HTR1F: variants seen among roughly 807,000 people sequenced by gnomAD.
HTR1F encodes 5-hydroxytryptamine receptor 1F.
In HTR1F, 17 loss-of-function variants were observed where a neutral mutation model predicts 24.0. The observed-to-expected ratio is 0.71, with a 90% CI of 0.48 to 1.06. The LOEUF (loss-of-function observed/expected upper bound fraction) is 1.06. Ranked by LOEUF, HTR1F falls within the 50% of genes least tolerant of loss-of-function variation. HTR1F has a pLI of 0.00. For synonymous variants in HTR1F, 186 were observed against 156.8 expected, an observed-to-expected ratio of 1.19 and a Z score of -1.39; for missense variants, 391 against 427.8, an observed-to-expected ratio of 0.91 and a Z score of 0.76.
chr3:87,832,439 T>C (rs1183715251), intron 2 of HTR1F, among the ~76,000 whole-genome samples: 4 of 151,920 alleles, frequency 2.6e-5, no homozygotes, highest in Non-Finnish European at 5.9e-5. Context: ...GCAATTCTCT[T>C]GCCTCAGCCT....
chr3:87,872,221 A>G (rs72913703), intron 2 of HTR1F, among the ~76,000 whole-genome samples: 18,125 of 152,110 alleles, frequency 0.12, 1,363 homozygotes, highest in African/African-American at 0.21. Context: ...GAAATGGAGA[A>G]CTCAACATGC....
At chr3:87,869,481 T>TAGATAGATAGATAGATAGATA (rs1245965335) in intron 2 of HTR1F, among the ~76,000 whole-genome samples, 1 of 116,360 alleles carries the variant, frequency 8.6e-6, no homozygotes, top group Non-Finnish European at 1.7e-5. Context: ...GATAGATAGA[T>TAGATAGATAGATAGATAGATA]GATAGATAGA....
intron 2 of HTR1F, among the ~76,000 whole-genome samples, chr3:87,932,847 A>C (rs559502563): frequency 5.9e-4 from 89 of 151,940 alleles, no homozygotes; most frequent in East Asian, 1.4e-3. Flanking sequence ...TCCCTAACTC[A>C]TTTTATGAGG....
chr3:87,931,129 T>A (rs951731447), intron 2 of HTR1F, among the ~76,000 whole-genome samples: 2 of 151,576 alleles, frequency 1.3e-5, no homozygotes, highest in Admixed American at 6.6e-5. Flanking sequence ...ACATGTGCCA[T>A]GCTGGTGTGC....
At chr3:87,912,663 A>G (rs1200561556) in intron 2 of HTR1F, among the ~76,000 whole-genome samples, 4 of 150,184 alleles carry the variant, frequency 2.7e-5, no homozygotes, top group Non-Finnish European at 5.9e-5. Flanking sequence ...CAAAGCAGGA[A>G]GCATCATGCC....
chr3:87,928,177 C>T (rs1704173983), intron 2 of HTR1F, among the ~76,000 whole-genome samples: 1 of 151,754 alleles, frequency 6.6e-6, no homozygotes, highest in South Asian at 2.1e-4. Context: ...TCCGAAGTAG[C>T]TGGGACTACA....
chr3:87,867,172 C>T (rs191534117), intron 2 of HTR1F, among the ~76,000 whole-genome samples: 151 of 151,976 alleles, frequency 9.9e-4, no homozygotes, highest in African/African-American at 3.2e-3. Flanking sequence ...AAACTCATTC[C>T]TTCCTAGGGC....
intron 2 of HTR1F, among the ~76,000 whole-genome samples, chr3:87,917,921 A>G (rs573063299): frequency 5.9e-5 from 9 of 152,232 alleles, no homozygotes; most frequent in Admixed American, 2.0e-4. Context: ...TAACCAAAAA[A>G]GAAAATTACA....
chr3:87,918,993 C>T (rs536362881), intron 2 of HTR1F, among the ~76,000 whole-genome samples: 10 of 152,108 alleles, frequency 6.6e-5, no homozygotes, highest in African/African-American at 2.4e-4. Context: ...AGGCTGTAGT[C>T]ACCAAAACAG....
At position 87,992,172 on chromosome 3, in the gene HTR1F, A is replaced by G. The variant is rs1405378522; in HGVS notation, c.*322A>G. On this transcript the variant is annotated 3_prime_UTR_variant, in exon 3 of 3. Transcript: ENST00000319595. ...TGATTTTCCATGTTTACATCTTACA[A>G]TAATTATAGAGGAGTTTTCAATTAA... 1.1e-5 allele frequency: 2 copies of G among 175,016 alleles called. No individual in the cohort carries two copies. The highest frequency in any genetic ancestry group is 4.8e-5 in the African/African-American group (2 of 41,784). 10.8% of individuals were successfully genotyped at this position (175,016 alleles called of 1,614,324 possible). A position where few individuals can be genotyped will look rare whatever the true frequency, so the allele number is the denominator to read the frequency against.
chr3:87,910,724 A>G (rs780801528), intron 2 of HTR1F, among the ~76,000 whole-genome samples: 4 of 152,100 alleles, frequency 2.6e-5, no homozygotes, highest in Non-Finnish European at 5.9e-5. Flanking sequence ...AGTCAGACAT[A>G]AAACAATCCT....
At chr3:87,825,690 C>T (rs1208942238) in intron 2 of HTR1F, among the ~76,000 whole-genome samples, 1 of 152,194 alleles carries the variant, frequency 6.6e-6, no homozygotes, top group African/African-American at 2.4e-5. Context: ...CGCCTGTCTT[C>T]TAACGCTACC....
At chr3:87,988,609 T>A (rs9855839) in intron 2 of HTR1F, among the ~76,000 whole-genome samples, 1 of 151,982 alleles carries the variant, frequency 6.6e-6, no homozygotes, top group Admixed American at 6.5e-5. Flanking sequence ...TTTGAGATGG[T>A]GTATCGCTCT....
At chr3:87,900,881 C>G (rs1295000127) in intron 2 of HTR1F, among the ~76,000 whole-genome samples, 1 of 152,018 alleles carries the variant, frequency 6.6e-6, no homozygotes, top group African/African-American at 2.4e-5. Flanking sequence ...GACATCCATG[C>G]AGAAATTTTA....
intron 2 of HTR1F, among the ~76,000 whole-genome samples, chr3:87,926,609 T>A (rs1704132542): frequency 6.6e-6 from 1 of 152,152 alleles, no homozygotes; most frequent in Admixed American, 6.6e-5. Flanking sequence ...TAACATTGAT[T>A]ACTTCTCTTT....
chr3:87,842,770 A>T (rs1272073753), intron 2 of HTR1F, among the ~76,000 whole-genome samples: 1 of 151,980 alleles, frequency 6.6e-6, no homozygotes, highest in East Asian at 1.9e-4. Context: ...CTTGCTTTTT[A>T]TAAAACAACC....
chr3:87,982,193 G>A (rs1443343738), intron 2 of HTR1F, among the ~76,000 whole-genome samples: 1 of 152,132 alleles, frequency 6.6e-6, no homozygotes, highest in African/African-American at 2.4e-5. Context: ...AAAATACTGG[G>A]ATTACAGGCA....
At chr3:87,899,245 C>T (rs1706269361) in intron 2 of HTR1F, among the ~76,000 whole-genome samples, 1 of 152,148 alleles carries the variant, frequency 6.6e-6, no homozygotes, top group Non-Finnish European at 1.5e-5. Flanking sequence ...GGCGACAATC[C>T]TCAGTATTTT....
intron 1 of HTR1F, among the ~76,000 whole-genome samples, chr3:87,806,831 T>G (rs1448061772): frequency 3.3e-5 from 5 of 152,008 alleles, no homozygotes; most frequent in African/African-American, 9.7e-5. Context: ...TGGTGAGAGG[T>G]ATGAATTTAG....
Sources: allele counts gnomAD v4.1 joint callset (sites outside exome capture counted in the v4.1 genomes callset), GRCh38; gene constraint gnomAD v4.1.1; transcripts MANE v1.5; gene names NCBI Gene and HGNC (gene_info 2026-07-23, HGNC 2026-07-21).